ADGRF4: variants seen among roughly 807,000 people sequenced by gnomAD.
The protein encoded by ADGRF4 is adhesion G protein-coupled receptor F4.
ADGRF4 carries 63 observed loss-of-function variants against 58.5 expected under a neutral mutation model. That is an observed-to-expected ratio of 1.08 (90% CI 0.88 to 1.33). ADGRF4 has a LOEUF of 1.33. Among genes scored for constraint, ADGRF4 ranks in the 40% most tolerant of loss-of-function variants. The pLI, the probability that ADGRF4 is intolerant of heterozygous loss-of-function variation, is 0.00. For synonymous variants in ADGRF4, 313 were observed against 295.4 expected (o/e 1.06, Z -0.61); for missense variants, 931 against 843.9 (o/e 1.10, Z -1.28).
intron 6 of ADGRF4, 59 bp from the exon 7 acceptor site, chr6:47,716,746 TA>T: frequency 7.8e-7 from 1 of 1,278,906 alleles, no homozygotes; most frequent in Middle Eastern, 2.1e-4. Flanking sequence ...GGTATGAAAA[TA>T]ACAGCAGGAA....
intron 9 of ADGRF4, among the ~76,000 whole-genome samples, chr6:47,719,798 TTA>T (rs1440150174): frequency 6.6e-6 from 1 of 152,168 alleles, no homozygotes; most frequent in African/African-American, 2.4e-5. Flanking sequence ...GCTACACTAC[TTA>T]CTAGGGTTGG....
intron 1 of ADGRF4, among the ~76,000 whole-genome samples, chr6:47,706,187 T>G (rs1012379702): frequency 6.6e-6 from 1 of 152,208 alleles, no homozygotes; most frequent in African/African-American, 2.4e-5. Flanking sequence ...GGGGTCTGAA[T>G]TGCCACTATC....
intron 9 of ADGRF4, among the ~76,000 whole-genome samples, chr6:47,720,131 G>A (rs761128282): frequency 6.6e-6 from 1 of 152,128 alleles, no homozygotes; most frequent in Non-Finnish European, 1.5e-5. Flanking sequence ...TTACAGTACA[G>A]GGCTAAGAAA....
At position 47,715,064 on chromosome 6, in the gene ADGRF4, G is replaced by A. The variant is rs778926696; in HGVS notation, c.1819G>A (p.Val607Ile). ...VVIIMRISKN[V>I]AILTPLLGLT... is the part of the protein sequence containing the mutation. The stretch of plus-strand genomic sequence containing the variant: ...CATAATTATGAGGATCAGCAAAAAT[G>A]TTGCCATCCTCACTCCACTGCTGGG... The change falls in exon 6 of 10, where the codon GTT (valine) becomes ATT (isoleucine). Residue 607 changes from valine (V) to isoleucine (I), a missense_variant. Coordinates refer to ENST00000283303, the MANE Select transcript of ADGRF4 (RefSeq NM_153838.5). 3.1e-6 allele frequency: 5 copies of A among 1,613,036 alleles called. No homozygotes were observed. The Admixed American group carries it at 5.0e-5, about 16-fold the overall frequency.
chr6:47,719,830 C>A (rs1056500567), intron 9 of ADGRF4, among the ~76,000 whole-genome samples: 5 of 152,140 alleles, frequency 3.3e-5, no homozygotes, highest in African/African-American at 1.2e-4. Flanking sequence ...AAGGAGTCTG[C>A]CAGTATTAGA....
intron 9 of ADGRF4, 121 bp downstream of exon 9, chr6:47,718,566 G>A (rs1053286056): frequency 2.9e-6 from 2 of 694,460 alleles, no homozygotes; most frequent in African/African-American, 1.8e-5. Flanking sequence ...GGGAAGAGGG[G>A]GACATCTTTT....
At chr6:47,705,198 A>G (rs1771680798) in intron 1 of ADGRF4, among the ~76,000 whole-genome samples, 1 of 152,228 alleles carries the variant, frequency 6.6e-6, no homozygotes, top group Non-Finnish European at 1.5e-5. Flanking sequence ...AAGTGCTGGG[A>G]TTACAGACAT....
At chr6:47,703,285 C>T (rs1308625574) in intron 1 of ADGRF4, among the ~76,000 whole-genome samples, 2 of 152,126 alleles carry the variant, frequency 1.3e-5, no homozygotes, top group African/African-American at 4.8e-5. Flanking sequence ...ATAAATTATG[C>T]TGCCAAAGCT....
At chr6:47,702,772 C>T (rs1174363341) in intron 1 of ADGRF4, among the ~76,000 whole-genome samples, 1 of 152,160 alleles carries the variant, frequency 6.6e-6, no homozygotes, top group African/African-American at 2.4e-5. Flanking sequence ...TGTTGACAAA[C>T]TGAACAGAAT....
At chr6:47,701,047 G>A (rs991360408) in intron 1 of ADGRF4, among the ~76,000 whole-genome samples, 4 of 152,126 alleles carry the variant, frequency 2.6e-5, no homozygotes, top group African/African-American at 4.8e-5. Flanking sequence ...TTTAGGCAGC[G>A]GTGTGAAAGT....
At chr6:47,717,752 C>A (rs937790681) in intron 8 of ADGRF4, among the ~76,000 whole-genome samples, 4 of 152,230 alleles carry the variant, frequency 2.6e-5, no homozygotes, top group Non-Finnish European at 2.9e-5. Flanking sequence ...CATGGCCACC[C>A]AGCTAATCAG....
At chr6:47,712,861 G>A (rs148666713) in intron 5 of ADGRF4, among the ~76,000 whole-genome samples, 3 of 152,294 alleles carry the variant, frequency 2.0e-5, no homozygotes, top group East Asian at 1.9e-4. Flanking sequence ...TGATGGCTAT[G>A]AGCAAGACGG....
intron 1 of ADGRF4, among the ~76,000 whole-genome samples, 178 bp downstream of exon 1, chr6:47,698,972 A>C (rs190929514): frequency 1.1e-4 from 17 of 152,320 alleles, no homozygotes; most frequent in African/African-American, 3.6e-4. Context: ...AGTATTTCCT[A>C]AGCCTCTTTT....
intron 1 of ADGRF4, among the ~76,000 whole-genome samples, chr6:47,700,528 T>G (rs991759026): frequency 6.6e-6 from 1 of 152,208 alleles, no homozygotes; most frequent in South Asian, 2.1e-4. Context: ...AGAAATAGGG[T>G]TTTATTAGTT....
At chr6:47,713,759 G>C (rs770555743) in intron 5 of ADGRF4, 39 bp from the exon 6 acceptor site, 1 of 1,449,670 alleles carries the variant, frequency 6.9e-7, no homozygotes, top group Non-Finnish European at 9.2e-7. Flanking sequence ...ACAACAATGT[G>C]TAAATCCTTA....
In ADGRF4 at chr6:47,714,105, C is replaced by A; in HGVS notation, c.860C>A (p.Ala287Glu). ...GAGCTAAGGAAGCTGTGGCCAAATG[C>A]ATCCCAAGCCATTAGCATAGCTTTC... The part of the protein sequence containing the change: ...RQELRKLWPN[A>E]SQAISIAFPT... The change falls in exon 6 of 10, where the codon GCA becomes GAA. Residue 287 changes from alanine (A) to glutamate (E), a missense_variant. Ala to Glu is a moderately radical substitution (Grantham distance 107, BLOSUM62 -1). Coordinates refer to ENST00000283303, the MANE Select transcript of ADGRF4 (RefSeq NM_153838.5). The A allele has an allele frequency of 6.2e-7, 1 of 1,613,998 alleles. No individual in the cohort carries two copies. Among genetic ancestry groups the A allele is most frequent in the Non-Finnish European group, 8.5e-7 (1 of 1,179,982 alleles).
chr6:47,699,369 G>A, intron 1 of ADGRF4, among the ~76,000 whole-genome samples: 1 of 152,302 alleles, frequency 6.6e-6, no homozygotes, highest in East Asian at 1.9e-4. Flanking sequence ...ATTAGGTGCT[G>A]TTTATTTGTT....
At chr6:47,711,630 G>A (rs1009610152) in intron 4 of ADGRF4, among the ~76,000 whole-genome samples, 1 of 152,142 alleles carries the variant, frequency 6.6e-6, no homozygotes, top group Non-Finnish European at 1.5e-5. Context: ...CAATCTAGAG[G>A]AACAGAATTG....
chr6:47,700,304 TCAG>T (rs1190859110), intron 1 of ADGRF4, among the ~76,000 whole-genome samples: 1 of 152,214 alleles, frequency 6.6e-6, no homozygotes, highest in Admixed American at 6.5e-5. Flanking sequence ...CAGGCCGCAC[TCAG>T]CGTGTTCAGA....
Sources: allele counts gnomAD v4.1 joint callset (sites outside exome capture counted in the v4.1 genomes callset), GRCh38; gene constraint gnomAD v4.1.1; transcripts MANE v1.5; gene names NCBI Gene and HGNC (gene_info 2026-07-23, HGNC 2026-07-21).